The following PLAGL1 variants were observed in gnomAD, a reference collection of about 807,000 sequenced individuals.
PLAGL1 encodes PLAG1 like zinc finger 1.
PLAGL1 carries 1 observed loss-of-function variant against 4.6 expected under a neutral mutation model. The observed-to-expected ratio is 0.22, with a 90% CI of 0.08 to 1.03. The LOEUF (loss-of-function observed/expected upper bound fraction) is 1.03. Among genes scored for constraint, PLAGL1 ranks in the 50% least tolerant of loss-of-function variants. The probability of loss-of-function intolerance (pLI) is 0.58; values close to 1 mark genes in which losing one functional copy is unlikely to be tolerated. For missense variants in PLAGL1, 464 were observed against 570.4 expected, an observed-to-expected ratio of 0.81 and a Z score of 1.90; for synonymous variants, 240 against 237.8, an observed-to-expected ratio of 1.01 and a Z score of -0.08.
chr6:143,977,447 T>A (rs1786886260), intron 2 of PLAGL1, among the ~76,000 whole-genome samples: 1 of 149,510 alleles, frequency 6.7e-6, no homozygotes, highest in African/African-American at 2.4e-5. Flanking sequence ...TTCTTTTTTT[T>A]TTATTTTTTT....
intron 1 of PLAGL1, among the ~76,000 whole-genome samples, chr6:144,017,173 AC>A (rs1795621227): frequency 6.6e-6 from 1 of 152,156 alleles, no homozygotes; most frequent in South Asian, 2.1e-4. Flanking sequence ...AATATAAATA[AC>A]CCTTAAAAAC....
At chr6:143,946,356 TG>T (rs1779791079) in intron 7 of PLAGL1, among the ~76,000 whole-genome samples, 1 of 152,224 alleles carries the variant, frequency 6.6e-6, no homozygotes, top group Admixed American at 6.5e-5. Flanking sequence ...GTCCTCACTG[TG>T]ACTCAGTTGC....
intron 1 of PLAGL1, among the ~76,000 whole-genome samples, chr6:144,033,222 A>G (rs1177597459): frequency 6.6e-6 from 1 of 152,244 alleles, no homozygotes; most frequent in Non-Finnish European, 1.5e-5. Flanking sequence ...CCTGGAATAT[A>G]CAAAGAATGG....
At position 144,039,589 on chromosome 6, in the gene PLAGL1, A is replaced by T. The variant is rs1225193861; in HGVS notation, c.-151+24879T>A. Among the ~76,000 whole-genome samples the T allele has an allele frequency of 6.6e-6, 1 of 152,196 alleles. No individual in the cohort carries two copies. Among genetic ancestry groups the T allele is most frequent in the Non-Finnish European group, 1.5e-5 (1 of 68,028 alleles). ...TGACAGAGTGAGACTGTGTCTCAAA[A>T]ATAAAATCAAATAAAATATCACATG... On this transcript the variant is annotated intron_variant, in intron 1 of 3. Coordinates refer to the PLAGL1 transcript ENST00000437412. This position sits in a 1 kb window ranked among gnomAD's most constrained non-coding sequence, Gnocchi z 4.1.
chr6:144,006,579 T>C lies in PLAGL1; in HGVS notation c.-584+1511A>G, dbSNP rs1390376212. ...TCACACAGCATTCTCCGGCAACTTT[T>C]TTTTTTTTTGGTTCAACACTGAAAG... On this transcript the variant is annotated intron_variant, in intron 1 of 7. Transcript: ENST00000674357. This position sits in a 1 kb window ranked among gnomAD's most constrained non-coding sequence, Gnocchi z 4.3. 1.3e-5 allele frequency: 2 copies of C among 152,316 alleles called. No individual in the cohort carries two copies. The highest frequency in any genetic ancestry group is 3.9e-4 in the East Asian group (2 of 5,182). 9.4% of individuals were successfully genotyped at this position (152,316 alleles called of 1,614,324 possible).
rs1353458192 is a variant in PLAGL1 at position 144,061,085 on chromosome 6, T to A, written c.-151+3383A>T. Among the ~76,000 whole-genome samples the A allele has an allele frequency of 6.6e-6, 1 of 152,244 alleles. No individual in the cohort carries two copies. Among genetic ancestry groups the A allele is most frequent in the Admixed American group, 6.5e-5 (1 of 15,282 alleles). On this transcript the variant is annotated intron_variant, in intron 1 of 3. Coordinates refer to the PLAGL1 transcript ENST00000437412. The surrounding 1 kb of genome is among the most constrained non-coding windows in gnomAD (Gnocchi z 4.4). ...TGTAATTTTCAAAGAAATTTACAAT[T>A]GGAAGTGGAAAGGTACTGGGTGACA...
chr6:144,020,687 C>T (rs1277953352), intron 1 of PLAGL1, among the ~76,000 whole-genome samples: 3 of 150,924 alleles, frequency 2.0e-5, no homozygotes, highest in African/African-American at 4.9e-5. Context: ...TTCAAGTGAT[C>T]CTCCTGCCTA....
rs980842625 is a variant in PLAGL1, at chr6:143,953,645, T to C, written c.-324-5185A>G. On this transcript the variant is annotated intron_variant, in intron 6 of 7. Transcript: ENST00000674357. The surrounding 1 kb of genome is among the most constrained non-coding windows in gnomAD (Gnocchi z 5.3). ...GAAAATTCTACTAAAACAGTAATAG[T>C]GGGATTTTTCTAAAACACAGCCTAA... 2.0e-5 allele frequency among the ~76,000 whole-genome samples: 3 copies of C among 152,104 alleles called. No individual in the cohort carries two copies. The highest frequency in any genetic ancestry group is 7.2e-5 in the African/African-American group (3 of 41,410).
chr6:143,944,988 G>A (rs1221695218), intron 7 of PLAGL1, among the ~76,000 whole-genome samples: 2 of 152,090 alleles, frequency 1.3e-5, no homozygotes, highest in African/African-American at 2.4e-5. Context: ...TGTACTACCT[G>A]TAAGTGGGGC....
At chr6:143,946,385 T>C (rs556955924) in intron 7 of PLAGL1, among the ~76,000 whole-genome samples, 269 of 152,342 alleles carry the variant, frequency 1.8e-3, no homozygotes, top group Middle Eastern at 0.014. Flanking sequence ...GCTGCTCTCA[T>C]GTTTGGGTAA....
At chr6:144,003,565 A>G (rs2128665360) in intron 1 of PLAGL1, among the ~76,000 whole-genome samples, 2 of 149,370 alleles carry the variant, frequency 1.3e-5, no homozygotes, top group Admixed American at 1.4e-4. Flanking sequence ...CGGAGTTTGC[A>G]GTGAGCCGAG....
In PLAGL1 at chr6:144,044,675, A is replaced by G. The variant is rs369230032; in HGVS notation, c.-151+19793T>C. On this transcript the variant is annotated intron_variant, in intron 1 of 3. Coordinates refer to the PLAGL1 transcript ENST00000437412. Reference sequence around the variant, plus strand: ...GTTGATTTGTGGTGAAGAGTTCTGTAGATGTCTATTAGGTCCGCTTGGTGC... The same window carrying G: ...GTTGATTTGTGGTGAAGAGTTCTGTGGATGTCTATTAGGTCCGCTTGGTGC... Among the ~76,000 whole-genome samples, 85 of 152,306 alleles carry G rather than the reference A, an allele frequency of 5.6e-4. No homozygotes were observed. The South Asian group carries it at 0.017, about 30-fold the overall frequency.
chr6:143,943,046 T>TTTTTTTTTTTTTTTTTA (rs1331966664), intron 7 of PLAGL1, among the ~76,000 whole-genome samples: 1 of 145,152 alleles, frequency 6.9e-6, no homozygotes, highest in African/African-American at 2.5e-5. Context: ...TTTTTTTTTT[T>TTTTTTTTTTTTTTTTTA]TTTTGAGACA....
chr6:144,051,854 A>C (rs1798605805), intron 1 of PLAGL1, among the ~76,000 whole-genome samples: 1 of 152,158 alleles, frequency 6.6e-6, no homozygotes, highest in Non-Finnish European at 1.5e-5. Context: ...CCTCCCCCAT[A>C]ATTTAATCAC....
In PLAGL1 at chr6:143,961,912, G is replaced by C. The variant is rs1308887726; in HGVS notation, c.-398-1370C>G. On this transcript the variant is annotated intron_variant, in intron 5 of 7. Coordinates refer to ENST00000674357, the MANE Select transcript of PLAGL1 (RefSeq NM_001317162.2). This position sits in a 1 kb window ranked among gnomAD's most constrained non-coding sequence, Gnocchi z 6.5. ...CACATAACGTGAGGTACGCAAACCA[G>C]GCAGTGAAGTAGCTTAGCTTCATTG... is the stretch of plus-strand genomic sequence containing the variant. 1.3e-5 allele frequency among the ~76,000 whole-genome samples: 2 copies of C among 152,196 alleles called. No individual in the cohort carries two copies. The highest frequency in any genetic ancestry group is 4.8e-5 in the African/African-American group (2 of 41,440).
chr6:144,021,883 T>C (rs1019277909), intron 1 of PLAGL1, among the ~76,000 whole-genome samples: 2 of 152,190 alleles, frequency 1.3e-5, no homozygotes, highest in Admixed American at 6.5e-5. Flanking sequence ...CATGGAATCA[T>C]AGAACTGAAA....
upstream of PLAGL1, among the ~76,000 whole-genome samples, chr6:144,011,202 C>T (rs1447938103): frequency 6.6e-6 from 1 of 151,040 alleles, no homozygotes; most frequent in African/African-American, 2.4e-5. This position sits in a 1 kb window ranked among gnomAD's most constrained non-coding sequence, Gnocchi z 4.3. Flanking sequence ...TTGCAATTAT[C>T]CATCTGACAA....
rs141060007 is a variant in PLAGL1 at position 144,056,698 on chromosome 6, G to A, written c.-151+7770C>T. 1.1e-4 allele frequency among the ~76,000 whole-genome samples: 17 copies of A among 152,162 alleles called. No homozygotes were observed. The highest frequency in any genetic ancestry group is 3.9e-4 in the African/African-American group (16 of 41,508). The stretch of plus-strand genomic sequence containing the variant: ...TTTTTTTAAATTTAGACAGGTTATC[G>A]CTGCTGCCCAGGCCAGAGTGCAGTG... On this transcript the variant is annotated intron_variant, in intron 1 of 3. Transcript: ENST00000437412. This position sits in a 1 kb window ranked among gnomAD's most constrained non-coding sequence, Gnocchi z 4.7.
At chr6:144,062,209 C>G (rs1017035715) in intron 1 of PLAGL1, among the ~76,000 whole-genome samples, 6 of 151,974 alleles carry the variant, frequency 3.9e-5, no homozygotes, top group African/African-American at 1.5e-4. Flanking sequence ...AACCCTGTCT[C>G]TACTAAAAAT....
Sources: gnomAD v4.1 joint callset for allele counts (sites outside exome capture counted in the v4.1 genomes callset) on GRCh38, gnomAD v4.1.1 for gene constraint, Gnocchi (gnomAD v3.1) non-coding constraint, MANE v1.5 for transcripts, NCBI Gene and HGNC (gene_info 2026-07-23, HGNC 2026-07-21) for gene names.